Variants in RGS7 observed in about 807,000 individuals in gnomAD.
RGS7 encodes the protein regulator of G-protein signaling 7.
In RGS7, 27 loss-of-function variants were observed where a neutral mutation model predicts 81.1. That is an observed-to-expected ratio of 0.33 (90% CI 0.25 to 0.46). The LOEUF is 0.46. Ranked by LOEUF, RGS7 falls within the 20% of genes least tolerant of loss-of-function variation. The probability of loss-of-function intolerance (pLI) is 1.00; values close to 1 mark genes in which losing one functional copy is unlikely to be tolerated. For synonymous variants in RGS7, 208 were observed against 207.7 expected (o/e 1.00, Z -0.01); for missense variants, 396 against 607.4 (o/e 0.65, Z 3.66).
intron 2 of RGS7, among the ~76,000 whole-genome samples, chr1:241,115,908 A>T (rs2065858196): frequency 6.6e-6 from 1 of 152,132 alleles, no homozygotes; most frequent in Non-Finnish European, 1.5e-5. Flanking sequence ...GATCATGGGA[A>T]GGGATTTCCC....
At chr1:241,026,619 T>C (rs144602082) in intron 3 of RGS7, among the ~76,000 whole-genome samples, 1 of 151,924 alleles carries the variant, frequency 6.6e-6, no homozygotes, top group Non-Finnish European at 1.5e-5. Context: ...GTGCTGTTTA[T>C]CTGCCAGGCA....
At chr1:240,878,902 A>G (rs1420677801) in intron 6 of RGS7, among the ~76,000 whole-genome samples, 1 of 152,152 alleles carries the variant, frequency 6.6e-6, no homozygotes, top group Non-Finnish European at 1.5e-5. Flanking sequence ...CTATTACTAA[A>G]TACACAAGTT....
chr1:240,939,696 C>T (rs996793578), intron 4 of RGS7, among the ~76,000 whole-genome samples: 1 of 152,130 alleles, frequency 6.6e-6, no homozygotes, highest in Admixed American at 6.6e-5. Flanking sequence ...ATAAAGATTC[C>T]TCTGGGAGGG....
intron 2 of RGS7, among the ~76,000 whole-genome samples, chr1:241,285,971 T>A (rs974048164): frequency 6.6e-6 from 1 of 152,206 alleles, no homozygotes; most frequent in Non-Finnish European, 1.5e-5. Context: ...TGAGTGCGCA[T>A]AATAACCTCA....
intron 4 of RGS7, among the ~76,000 whole-genome samples, chr1:240,971,168 C>T (rs549066330): frequency 6.6e-6 from 1 of 152,186 alleles, no homozygotes; most frequent in South Asian, 2.1e-4. Context: ...GCTCGCTCTC[C>T]CCTTCTACCA....
In RGS7 at chr1:241,178,596, G is replaced by A. The variant is rs189614502; in HGVS notation, c.79-79834C>T. Among the ~76,000 whole-genome samples the A allele has an allele frequency of 5.0e-4, 76 of 152,312 alleles. No homozygotes were observed. The East Asian group carries it at 0.013, about 25-fold the overall frequency. ...AACACAGAAGCCAAGAAAAGAAAGT[G>A]TTGTTTCAGGAAGGAGGACATGGTC... On this transcript the variant is annotated intron_variant, in intron 2 of 18. Coordinates refer to ENST00000440928, the MANE Select transcript of RGS7 (RefSeq NM_001364886.1).
chr1:241,045,752 C>G (rs2148786404), intron 3 of RGS7, among the ~76,000 whole-genome samples: 1 of 152,332 alleles, frequency 6.6e-6, no homozygotes, highest in Non-Finnish European at 1.5e-5. Flanking sequence ...ATTGCAACTC[C>G]TCCTTGTTTT....
intron 2 of RGS7, among the ~76,000 whole-genome samples, chr1:241,279,405 A>G (rs750134825): frequency 3.9e-5 from 6 of 152,230 alleles, no homozygotes; most frequent in South Asian, 2.1e-4. Context: ...ATTGTATGAC[A>G]AAAATAGTCT....
At chr1:240,945,394 C>G (rs1572900081) in intron 4 of RGS7, among the ~76,000 whole-genome samples, 1 of 152,292 alleles carries the variant, frequency 6.6e-6, no homozygotes, top group East Asian at 1.9e-4. Context: ...TGAGTGTGTT[C>G]TATTTACACA....
At chr1:241,272,165 T>C (rs971906987) in intron 2 of RGS7, among the ~76,000 whole-genome samples, 2 of 151,932 alleles carry the variant, frequency 1.3e-5, no homozygotes, top group African/African-American at 2.4e-5. Context: ...GGCTAATTTT[T>C]TGTATTTTTA....
chr1:240,983,185 T>C (rs1685183136), intron 3 of RGS7, 56 bp from the exon 4 acceptor site: 21 of 978,228 alleles, frequency 2.1e-5, no homozygotes, highest in Non-Finnish European at 2.6e-5. Flanking sequence ...TTTATACATA[T>C]TAACTTTAAG....
At chr1:240,807,560 C>G (rs1355336681) in intron 14 of RGS7, among the ~76,000 whole-genome samples, 2 of 152,200 alleles carry the variant, frequency 1.3e-5, no homozygotes, top group African/African-American at 4.8e-5. Flanking sequence ...AACTACTACT[C>G]AGTCTAGTGA....
intron 10 of RGS7, chr1:240,823,411 C>T (rs1692173844): frequency 2.5e-6 from 1 of 403,850 alleles, no homozygotes; most frequent in Non-Finnish European, 4.8e-6. Context: ...TTGGGCCCGG[C>T]AGAGGCAGGG....
chr1:241,083,734 T>C (rs1238295838), intron 3 of RGS7, among the ~76,000 whole-genome samples: 1 of 152,246 alleles, frequency 6.6e-6, no homozygotes, highest in Admixed American at 6.5e-5. Context: ...CATTATCTGT[T>C]TGTATCCTTG....
chr1:241,070,119 C>T (rs2062345148), intron 3 of RGS7, among the ~76,000 whole-genome samples: 1 of 152,138 alleles, frequency 6.6e-6, no homozygotes, highest in African/African-American at 2.4e-5. Flanking sequence ...CACACTTGTG[C>T]TCTGATGCCA....
intron 2 of RGS7, among the ~76,000 whole-genome samples, chr1:241,290,293 A>G (rs990583282): frequency 1.5e-4 from 23 of 152,238 alleles, no homozygotes; most frequent in African/African-American, 5.3e-4. Context: ...ATTAAGAGAC[A>G]TTCCAAAGAA....
At chr1:240,865,698 G>A (rs547568355) in intron 9 of RGS7, among the ~76,000 whole-genome samples, 1 of 152,324 alleles carries the variant, frequency 6.6e-6, no homozygotes, top group South Asian at 2.1e-4. Flanking sequence ...GACAACTGCA[G>A]AATTCATTTC....
At chr1:241,291,570 C>CTTTTTTTTTTT (rs397947911) in intron 2 of RGS7, among the ~76,000 whole-genome samples, 9 of 94,162 alleles carry the variant, frequency 9.6e-5, no homozygotes, top group South Asian at 4.7e-4. Flanking sequence ...GAATTCCCAG[C>CTTTTTTTTTTT]TTTTTTTTTT....
At chr1:240,978,428 G>A (rs1684459553) in intron 4 of RGS7, among the ~76,000 whole-genome samples, 1 of 152,082 alleles carries the variant, frequency 6.6e-6, no homozygotes, top group South Asian at 2.1e-4. Flanking sequence ...ACTTTCTAAA[G>A]GAAGGTAGAA....
Sources: allele counts gnomAD v4.1 joint callset (sites outside exome capture counted in the v4.1 genomes callset), GRCh38; gene constraint gnomAD v4.1.1; transcripts MANE v1.5; gene names NCBI Gene and HGNC (gene_info 2026-07-23, HGNC 2026-07-21).